Variants in ANO4 observed in about 807,000 individuals in gnomAD.
ANO4 encodes anoctamin-4.
A neutral mutation model predicts 141.9 loss-of-function variants in ANO4; 69 were observed. The ratio of observed to expected loss-of-function variants is 0.49; its 90% CI spans 0.40 to 0.59. The LOEUF (loss-of-function observed/expected upper bound fraction) is 0.59, where lower values mean the gene tolerates loss of function less well. Among genes scored for constraint, ANO4 ranks in the 20% least tolerant of loss-of-function variants. ANO4 has a pLI of 0.00. For synonymous variants in ANO4, 350 were observed against 394.3 expected (o/e 0.89, Z 1.33); for missense variants, 894 against 1,162.2 (o/e 0.77, Z 3.36).
intron 1 of ANO4, among the ~76,000 whole-genome samples, chr12:100,818,881 CAAGA>C (rs2035873748): frequency 6.6e-6 from 1 of 151,846 alleles, no homozygotes. Context: ...CAGGTCCTAA[CAAGA>C]AAGAATTATC....
chr12:100,876,598 G>A (rs890637792), intron 1 of ANO4, among the ~76,000 whole-genome samples: 27 of 152,336 alleles, frequency 1.8e-4, no homozygotes, highest in East Asian at 7.7e-4. Flanking sequence ...GGGAAAGTAC[G>A]TAAGTCAAGG....
At chr12:100,838,029 C>G (rs1019872125) in intron 1 of ANO4, among the ~76,000 whole-genome samples, 14 of 151,966 alleles carry the variant, frequency 9.2e-5, no homozygotes, top group African/African-American at 3.4e-4. Context: ...CCTATAGGGC[C>G]TGTTGGTGGC....
At chr12:100,872,617 C>A (rs1409174103) in intron 1 of ANO4, among the ~76,000 whole-genome samples, 1 of 152,190 alleles carries the variant, frequency 6.6e-6, no homozygotes, top group Admixed American at 6.5e-5. Context: ...ATAGTAAGAA[C>A]CTTGTTCATT....
At chr12:100,819,701 C>G (rs748250138) in intron 1 of ANO4, among the ~76,000 whole-genome samples, 1 of 151,916 alleles carries the variant, frequency 6.6e-6, no homozygotes, top group Non-Finnish European at 1.5e-5. Flanking sequence ...TCAAAAGTAA[C>G]AGCATAGATA....
At chr12:101,051,604 ATTAC>A (rs2047874811) in intron 14 of ANO4, among the ~76,000 whole-genome samples, 4 of 152,224 alleles carry the variant, frequency 2.6e-5, no homozygotes, top group Admixed American at 2.6e-4. Context: ...TTTCCGAGGG[ATTAC>A]TATGTACTAA....
At chr12:100,784,782 A>T (rs1565873608) in intron 3 of ANO4, among the ~76,000 whole-genome samples, 1 of 152,202 alleles carries the variant, frequency 6.6e-6, no homozygotes, top group Non-Finnish European at 1.5e-5. Context: ...GGGTAAGTGT[A>T]TTACAAGAAT....
At chr12:100,848,098 G>A (rs192930803) in intron 1 of ANO4, among the ~76,000 whole-genome samples, 55 of 152,260 alleles carry the variant, frequency 3.6e-4, no homozygotes, top group Admixed American at 1.0e-3. Flanking sequence ...AGAAATTTTT[G>A]TACCTATGTC....
intron 1 of ANO4, among the ~76,000 whole-genome samples, chr12:100,841,503 T>G (rs1295383028): frequency 6.6e-6 from 1 of 152,028 alleles, no homozygotes; most frequent in Non-Finnish European, 1.5e-5. Flanking sequence ...CAAAGAAAGA[T>G]GAAGCTGGGT....
Position 100,942,215 on chromosome 12 carries a change from G to A in ANO4, c.298-162G>A, listed in dbSNP as rs538609668. 1.8e-3 allele frequency among the ~76,000 whole-genome samples: 280 copies of A among 152,082 alleles called. 1 individual carries two copies. Among genetic ancestry groups the A allele is most frequent in the African/African-American group, 6.3e-3 (263 of 41,512 alleles). ...AGGCTGGTCTCGAACTCCTGACCTC[G>A]TGATCCACCCGCCTCGGCCTCCCAA... On this transcript the variant is annotated intron_variant, in intron 4 of 27. Coordinates refer to ENST00000392977, the MANE Select transcript of ANO4 (RefSeq NM_001286615.2).
At chr12:100,964,502 A>T (rs2043565628) in intron 5 of ANO4, among the ~76,000 whole-genome samples, 1 of 152,096 alleles carries the variant, frequency 6.6e-6, no homozygotes, top group Admixed American at 6.6e-5. Context: ...CTGAGTTTCC[A>T]ATTAGAAATT....
intron 1 of ANO4, among the ~76,000 whole-genome samples, chr12:100,868,035 T>G (rs2038845516): frequency 6.6e-6 from 1 of 152,184 alleles, no homozygotes; most frequent in Non-Finnish European, 1.5e-5. Context: ...AGGCCAAGAC[T>G]CTGTCACCTG....
intron 1 of ANO4, among the ~76,000 whole-genome samples, chr12:100,897,633 A>G (rs1217833147): frequency 6.6e-6 from 1 of 152,258 alleles, no homozygotes; most frequent in Admixed American, 6.5e-5. Flanking sequence ...TGGACCATCC[A>G]TGTACTGGCA....
intron 1 of ANO4, among the ~76,000 whole-genome samples, chr12:100,840,727 T>C (rs1354747649): frequency 6.6e-6 from 1 of 152,158 alleles, no homozygotes; most frequent in Non-Finnish European, 1.5e-5. Context: ...TTTTCCAGAC[T>C]GTAGTAACAT....
At chr12:101,062,068 G>C (rs934266725) in intron 14 of ANO4, among the ~76,000 whole-genome samples, 1 of 152,146 alleles carries the variant, frequency 6.6e-6, no homozygotes, top group African/African-American at 2.4e-5. Context: ...GGGTTTTTGA[G>C]TGGACATCCT....
intron 1 of ANO4, among the ~76,000 whole-genome samples, chr12:100,855,358 C>T (rs190561548): frequency 6.6e-6 from 1 of 152,130 alleles, no homozygotes; most frequent in African/African-American, 2.4e-5. Context: ...GAAAAATTTC[C>T]CCATAATCCC....
At chr12:100,827,083 G>T (rs952357) in intron 1 of ANO4, among the ~76,000 whole-genome samples, 27,542 of 151,898 alleles carry the variant, frequency 0.18, 2,955 homozygotes, top group Middle Eastern at 0.3. Flanking sequence ...AAACATGTCA[G>T]GTCCTATTAC....
chr12:100,865,539 A>G (rs2038711750), intron 1 of ANO4, among the ~76,000 whole-genome samples: 1 of 152,226 alleles, frequency 6.6e-6, no homozygotes, highest in African/African-American at 2.4e-5. Flanking sequence ...TATGCGGCCA[A>G]CAAACATATG....
chr12:100,739,833 C>A, intron 2 of ANO4: 1 of 701,286 alleles, frequency 1.4e-6, no homozygotes, highest in Non-Finnish European at 2.6e-6. Flanking sequence ...TGCCACTCAC[C>A]TAATATGTTT....
chr12:101,096,728 C>T, intron 19 of ANO4, 81 bp downstream of exon 19: 2 of 1,068,170 alleles, frequency 1.9e-6, no homozygotes, highest in Non-Finnish European at 2.9e-6. Flanking sequence ...ACAGAGAAGC[C>T]CTCCCTTAGG....
Sources: allele counts gnomAD v4.1 joint callset (sites outside exome capture counted in the v4.1 genomes callset), GRCh38; gene constraint gnomAD v4.1.1; transcripts MANE v1.5; gene names NCBI Gene and HGNC (gene_info 2026-07-23, HGNC 2026-07-21).